Variants in LRGUK observed in about 807,000 individuals in gnomAD.
The protein encoded by LRGUK is leucine-rich repeat and guanylate kinase domain-containing protein.
LRGUK carries 65 observed loss-of-function variants against 76.0 expected under a neutral mutation model. The ratio of observed to expected loss-of-function variants is 0.85; its 90% CI spans 0.70 to 1.05. The LOEUF (loss-of-function observed/expected upper bound fraction) is 1.05. Ranked by LOEUF, LRGUK falls within the 50% of genes least tolerant of loss-of-function variation. LRGUK has a pLI of 0.00. For missense variants in LRGUK, 758 were observed against 732.8 expected, an observed-to-expected ratio of 1.03 and a Z score of -0.40; for synonymous variants, 268 against 265.6, an observed-to-expected ratio of 1.01 and a Z score of -0.09.
chr7:134,263,478 G>A (rs2117235621), intron 19 of LRGUK, among the ~76,000 whole-genome samples: 1 of 127,050 alleles, frequency 7.9e-6, no homozygotes, highest in Middle Eastern at 4.1e-3. Flanking sequence ...CAGAAGGCAT[G>A]ACAGGTGGAA....
intron 16 of LRGUK, among the ~76,000 whole-genome samples, chr7:134,239,358 G>A (rs572836600): frequency 6.6e-6 from 1 of 152,274 alleles, no homozygotes; most frequent in African/African-American, 2.4e-5. Context: ...CACTAATACT[G>A]CACTTTTCCA....
chr7:134,200,868 A>G (rs796302376), intron 14 of LRGUK, among the ~76,000 whole-genome samples: 2 of 152,310 alleles, frequency 1.3e-5, no homozygotes, highest in African/African-American at 4.8e-5. Flanking sequence ...TCAGGGTATC[A>G]GGAAGCTGAG....
chr7:134,264,102 T>C, exon 20 of LRGUK: 1 of 890,154 alleles, frequency 1.1e-6, no homozygotes, highest in East Asian at 3.2e-5. Context: ...ATGTTCTACC[T>C]GCCTTAATTC....
intron 10 of LRGUK, 39 bp downstream of exon 10, chr7:134,178,648 G>A: frequency 6.6e-7 from 1 of 1,524,972 alleles, no homozygotes; most frequent in Non-Finnish European, 9.0e-7. Flanking sequence ...TTCAGGGTGA[G>A]CAAGCAAAAG....
At chr7:134,268,715 A>ATTT (rs1802904887), downstream of LRGUK, among the ~76,000 whole-genome samples, 23 of 111,844 alleles carry the variant, frequency 2.1e-4, no homozygotes, top group Non-Finnish European at 3.4e-4. Context: ...TATGCAAAAA[A>ATTT]TCTTTTTTTT....
chr7:134,250,860 C>A (rs1802425182), intron 18 of LRGUK, among the ~76,000 whole-genome samples: 1 of 152,174 alleles, frequency 6.6e-6, no homozygotes, highest in African/African-American at 2.4e-5. Context: ...GTCATCTCTT[C>A]CCATGGTAAA....
chr7:134,146,769 G>A (rs997225158), intron 4 of LRGUK, among the ~76,000 whole-genome samples: 3 of 152,026 alleles, frequency 2.0e-5, no homozygotes, highest in East Asian at 1.9e-4. Context: ...AGTATTTAAT[G>A]TGTTGCTAAA....
At position 134,148,222 on chromosome 7, in the gene LRGUK, C is replaced by T. The variant is rs1220599694; in HGVS notation, c.589-16C>T. 6.5e-7 allele frequency: 1 copy of T among 1,530,690 alleles called. No individual in the cohort carries two copies. Among genetic ancestry groups the T allele is most frequent in the Non-Finnish European group, 9.0e-7 (1 of 1,111,384 alleles). The allele number at this position is 1,530,690 out of a possible 1,614,324, so 94.8% of individuals were successfully genotyped here. On this transcript the variant is annotated splice_polypyrimidine_tract_variant and intron_variant, in intron 4 of 15. Transcript: ENST00000645682. ...TGAAATATTAATATAACATCTTGTT[C>T]TCTTTCTCTTGCCAGAAGGCGGATT...
intron 7 of LRGUK, among the ~76,000 whole-genome samples, chr7:134,173,274 G>A (rs143606531): frequency 6.6e-6 from 1 of 152,254 alleles, no homozygotes; most frequent in East Asian, 1.9e-4. Context: ...TTTGAAAATG[G>A]CATCCTTTGA....
intron 7 of LRGUK, among the ~76,000 whole-genome samples, chr7:134,163,903 G>C (rs1191898020): frequency 6.6e-6 from 1 of 152,144 alleles, no homozygotes; most frequent in Admixed American, 6.5e-5. Flanking sequence ...ATAGCCATTG[G>C]CTGGTGTTGC....
At chr7:134,161,688 C>CTTT (rs57550981) in intron 6 of LRGUK, among the ~76,000 whole-genome samples, 23 of 105,454 alleles carry the variant, frequency 2.2e-4, no homozygotes, top group African/African-American at 7.2e-4. Context: ...TATTGTTATT[C>CTTT]TTTTTTTTTT....
At chr7:134,198,431 G>A (rs1425927137) in intron 13 of LRGUK, among the ~76,000 whole-genome samples, 1 of 152,254 alleles carries the variant, frequency 6.6e-6, no homozygotes, top group Admixed American at 6.5e-5. Flanking sequence ...TTTCCAGACT[G>A]CCCTGGTCAT....
intron 1 of LRGUK, among the ~76,000 whole-genome samples, chr7:134,131,388 C>T (rs73454637): frequency 6.6e-6 from 1 of 152,200 alleles, no homozygotes; most frequent in Admixed American, 6.5e-5. Context: ...GCGAGTAAAT[C>T]ATAGCAATTC....
intron 18 of LRGUK, among the ~76,000 whole-genome samples, chr7:134,252,338 A>G (rs1027909797): frequency 4.1e-5 from 5 of 120,880 alleles, no homozygotes; most frequent in African/African-American, 1.5e-4. Context: ...TCTCAAATAG[A>G]TAATTAAATT....
the LRGUK span, among the ~76,000 whole-genome samples, chr7:134,271,312 C>T: frequency 0.017 from 2,508 of 151,784 alleles, 36 homozygotes; most frequent in Non-Finnish European, 0.025. Context: ...TTTTATATGG[C>T]CAACTTTGTC....
chr7:134,246,127 G>C (rs76921144), intron 16 of LRGUK, among the ~76,000 whole-genome samples: 75 of 152,296 alleles, frequency 4.9e-4, no homozygotes, highest in African/African-American at 1.8e-3. Flanking sequence ...AATTTCAAAA[G>C]CTTGACCTAG....
chr7:134,171,083 G>A (rs997981806), intron 7 of LRGUK, among the ~76,000 whole-genome samples: 73 of 151,506 alleles, frequency 4.8e-4, no homozygotes, highest in African/African-American at 1.7e-3. Flanking sequence ...GAGAATTCAG[G>A]CCTGCGGCAA....
At chr7:134,137,995 G>T (rs556451445) in intron 2 of LRGUK, among the ~76,000 whole-genome samples, 1 of 152,302 alleles carries the variant, frequency 6.6e-6, no homozygotes, top group East Asian at 1.9e-4. Flanking sequence ...ACCTTTGCTA[G>T]TTCCATGGGC....
intron 18 of LRGUK, among the ~76,000 whole-genome samples, chr7:134,255,047 G>A (rs2117219194): frequency 6.6e-6 from 1 of 152,226 alleles, no homozygotes; most frequent in South Asian, 2.1e-4. Context: ...AGCAATTAGT[G>A]AACTTTATTT....
Sources: gnomAD v4.1 joint callset for allele counts (sites outside exome capture counted in the v4.1 genomes callset) on GRCh38, gnomAD v4.1.1 for gene constraint, MANE v1.5 for transcripts, NCBI Gene and HGNC (gene_info 2026-07-23, HGNC 2026-07-21) for gene names.